NDST3: variants seen among roughly 807,000 people sequenced by gnomAD.
The protein encoded by NDST3 is N-deacetylase and N-sulfotransferase 3, also known as bifunctional heparan sulfate N-deacetylase/N-sulfotransferase 3.
Under a neutral mutation model 96.1 loss-of-function variants are expected in NDST3, and 58 were observed. The ratio of observed to expected loss-of-function variants is 0.60; its 90% CI spans 0.49 to 0.75. The LOEUF is 0.75. NDST3 is among the 30% of genes least tolerant of loss of function. The probability of loss-of-function intolerance (pLI) is 0.00; values close to 1 mark genes in which losing one functional copy is unlikely to be tolerated. For missense variants in NDST3, 788 were observed against 1,034.2 expected, an observed-to-expected ratio of 0.76 and a Z score of 3.27; for synonymous variants, 333 against 359.7, an observed-to-expected ratio of 0.93 and a Z score of 0.84.
At chr4:118,191,272 TA>T (rs1737283845) in intron 6 of NDST3, among the ~76,000 whole-genome samples, 1 of 152,204 alleles carries the variant, frequency 6.6e-6, no homozygotes, top group Non-Finnish European at 1.5e-5. Context: ...TAAACAGATA[TA>T]TGACTTGTGC....
At position 118,237,186 on chromosome 4, in the gene NDST3, T is replaced by C. The variant is rs777404033; in HGVS notation, c.2084T>C (p.Ile695Thr). Reference protein sequence around the residue: ...VPKAKIITILIDPSDRAYSWY... With the variant: ...VPKAKIITILTDPSDRAYSWY... ...AAAGCCAAGATTATCACCATTCTCA[T>C]TGACCCTTCAGACCGAGCATACTCC... The change falls in exon 10 of 14, where the codon ATT becomes ACT. Residue 695 changes from isoleucine (I) to threonine (T), a missense_variant. Transcript: ENST00000296499. 2.5e-5 allele frequency: 40 copies of C among 1,613,200 alleles called. No homozygotes were observed. Among genetic ancestry groups the C allele is most frequent in the Non-Finnish European group, 3.1e-5 (36 of 1,179,654 alleles).
intron 1 of NDST3, among the ~76,000 whole-genome samples, chr4:118,036,327 T>C (rs1248557021): frequency 1.3e-5 from 2 of 152,194 alleles, no homozygotes; most frequent in African/African-American, 2.4e-5. Context: ...TTAAACTATA[T>C]GTAAATACTT....
chr4:118,217,369 C>T (rs1219548874), intron 6 of NDST3, among the ~76,000 whole-genome samples: 4 of 152,012 alleles, frequency 2.6e-5, no homozygotes, highest in African/African-American at 4.8e-5. Flanking sequence ...TAATGAGGCA[C>T]TTATGAGAGG....
rs371367533 is a variant in NDST3 at position 118,054,089 on chromosome 4, A to G, written c.179A>G (p.Tyr60Cys). 9.3e-6 allele frequency: 15 copies of G among 1,612,892 alleles called. No individual in the cohort carries two copies. The highest frequency in any genetic ancestry group is 1.3e-5 in the African/African-American group (1 of 74,818). Residue 60 changes from tyrosine to cysteine, a missense_variant, in exon 2 of 14, where the codon TAT (tyrosine) becomes TGT (cysteine). Around this residue, in one of 3 missense-constraint regions of NDST3, gnomAD observed 234 missense variants for 256.9 expected, o/e 0.91. Transcript: ENST00000296499. The part of the protein sequence containing the change: ...VDCGDLQHLP[Y>C]QLMEVKAMKL... Reference sequence around the variant, plus strand: ...TGTGGCGACCTCCAACACCTACCATATCAACTAATGGAAGTGAAAGCAATG... The same window carrying G: ...TGTGGCGACCTCCAACACCTACCATGTCAACTAATGGAAGTGAAAGCAATG...
At chr4:118,213,736 CT>C (rs915945382) in intron 6 of NDST3, among the ~76,000 whole-genome samples, 2 of 149,816 alleles carry the variant, frequency 1.3e-5, no homozygotes, top group Admixed American at 6.7e-5. Flanking sequence ...ATAATATATA[CT>C]TTTTTATATA....
At position 118,242,058 on chromosome 4, in the gene NDST3, C is replaced by T; in HGVS notation, c.2308C>T (p.Gln770Ter). The stretch of plus-strand genomic sequence containing the variant: ...AATTTAGTTGCTAATTATTGATGGG[C>T]AACAACTAAGAACTGATCCTGCTAC... ...PPFQLLIIDG[Q>*]QLRTDPATVM... Residue 770 changes from glutamine to a stop codon, truncating the protein, a stop_gained, in exon 12 of 14, where the codon CAA (glutamine) becomes TAA (stop). Transcript: ENST00000296499. LOFTEE classifies it high-confidence loss of function. 1 of 1,610,014 alleles carries T rather than the reference C, an allele frequency of 6.2e-7. No homozygotes were observed. Among genetic ancestry groups the T allele is most frequent in the Non-Finnish European group, 8.5e-7 (1 of 1,177,506 alleles).
chr4:118,110,708 T>A (rs1195732172), intron 3 of NDST3, among the ~76,000 whole-genome samples: 1 of 152,150 alleles, frequency 6.6e-6, no homozygotes, highest in Non-Finnish European at 1.5e-5. Flanking sequence ...AGTTTTGTGA[T>A]AAGTTAAGAA....
rs191516045 is a variant in NDST3 at position 118,244,447 on chromosome 4, T to C, written c.2399+2298T>C. On this transcript the variant is annotated intron_variant, in intron 12 of 13. Coordinates refer to ENST00000296499, the MANE Select transcript of NDST3 (RefSeq NM_004784.3). ...TATTGCTTCTTATTTTTTCTTCTTA[T>C]TTTCCTGCTGGTGATAATGACGACT... is the stretch of plus-strand genomic sequence containing the variant. Among the ~76,000 whole-genome samples the C allele has an allele frequency of 1.4e-4, 22 of 152,340 alleles. No individual in the cohort carries two copies. In the East Asian group the frequency reaches 4.0e-3, roughly 28 times the overall value.
At chr4:118,165,910 G>A (rs898860229) in intron 6 of NDST3, among the ~76,000 whole-genome samples, 1 of 151,658 alleles carries the variant, frequency 6.6e-6, no homozygotes, top group African/African-American at 2.4e-5. Flanking sequence ...TGCAACAAAA[G>A]CAGTATTATG....
chr4:118,163,321 G>A (rs1735310855), intron 6 of NDST3, among the ~76,000 whole-genome samples: 1 of 152,144 alleles, frequency 6.6e-6, no homozygotes, highest in Admixed American at 6.6e-5. Flanking sequence ...CTGTGGCTCT[G>A]TTCACAATAG....
intron 12 of NDST3, among the ~76,000 whole-genome samples, chr4:118,251,341 T>A (rs1246982396): frequency 3.3e-5 from 5 of 151,856 alleles, no homozygotes; most frequent in African/African-American, 4.8e-5. Context: ...TTAGCCAGGA[T>A]GGTCTTGATC....
chr4:118,095,442 G>A (rs1729217030), intron 2 of NDST3, among the ~76,000 whole-genome samples: 1 of 151,786 alleles, frequency 6.6e-6, no homozygotes, highest in Admixed American at 6.6e-5. Context: ...TCAGTGTAAA[G>A]AGCATAGGAC....
intron 1 of NDST3, among the ~76,000 whole-genome samples, chr4:118,044,626 A>G (rs1184869517): frequency 6.6e-6 from 1 of 152,218 alleles, no homozygotes; most frequent in African/African-American, 2.4e-5. Flanking sequence ...CTGTTATGTT[A>G]TCCCCCTAAT....
chr4:118,136,932 T>C (rs930712993), intron 4 of NDST3, among the ~76,000 whole-genome samples: 4 of 152,218 alleles, frequency 2.6e-5, no homozygotes, highest in Admixed American at 2.6e-4. Context: ...TCAAGGAATT[T>C]GAACAAGTAT....
chr4:118,065,727 C>G (rs1161506542), intron 2 of NDST3, among the ~76,000 whole-genome samples: 2 of 151,724 alleles, frequency 1.3e-5, no homozygotes, highest in Non-Finnish European at 2.9e-5. Flanking sequence ...TTGTATTGGC[C>G]TTTCCCCCTT....
intron 6 of NDST3, among the ~76,000 whole-genome samples, chr4:118,156,445 T>C (rs1734715407): frequency 6.6e-6 from 1 of 152,210 alleles, no homozygotes; most frequent in Non-Finnish European, 1.5e-5. Context: ...GAAGACATCA[T>C]GCCTTATTCT....
chr4:118,077,302 C>T (rs993460919), intron 2 of NDST3, among the ~76,000 whole-genome samples: 1 of 152,156 alleles, frequency 6.6e-6, no homozygotes, highest in African/African-American at 2.4e-5. Flanking sequence ...GGTGCACATG[C>T]GTCAGTTGGG....
intron 1 of NDST3, among the ~76,000 whole-genome samples, chr4:118,049,789 G>A (rs534836015): frequency 3.3e-5 from 5 of 150,628 alleles, no homozygotes; most frequent in African/African-American, 4.9e-5. Context: ...ATTCACAGCC[G>A]AATTGTACCA....
At chr4:118,184,529 A>C in intron 6 of NDST3, among the ~76,000 whole-genome samples, 1 of 150,946 alleles carries the variant, frequency 6.6e-6, no homozygotes, top group South Asian at 2.1e-4. Flanking sequence ...TCACAAGCCA[A>C]TTCCTCAAAA....
Sources: allele counts gnomAD v4.1 joint callset (sites outside exome capture counted in the v4.1 genomes callset), GRCh38; gene constraint gnomAD v4.1.1; regional missense constraint gnomAD v4.1.1; transcripts MANE v1.5; gene names NCBI Gene and HGNC (gene_info 2026-07-23, HGNC 2026-07-21).